SCO1: variants seen among roughly 807,000 people sequenced by gnomAD.
SCO1 encodes the protein synthesis of cytochrome C oxidase 1, also known as cytochrome c oxidase assembly factor SCO1.
Under a neutral mutation model 34.0 loss-of-function variants are expected in SCO1, and 23 were observed. The ratio of observed to expected loss-of-function variants is 0.68; its 90% confidence interval spans 0.49 to 0.96. SCO1 has a LOEUF of 0.96. SCO1 is among the 40% of genes least tolerant of loss of function. SCO1 has a pLI of 0.00. For missense variants in SCO1, 404 were observed against 381.6 expected, an observed-to-expected ratio of 1.06 and a Z score of -0.49; for synonymous variants, 161 against 145.5, an observed-to-expected ratio of 1.11 and a Z score of -0.77.
At chr17:10,690,436 A>C (rs1358352353) in intron 4 of SCO1, among the ~76,000 whole-genome samples, 1 of 152,218 alleles carries the variant, frequency 6.6e-6, no homozygotes, top group African/African-American at 2.4e-5. Context: ...TATATGAAAA[A>C]ATGCTCAACA....
intron 4 of SCO1, among the ~76,000 whole-genome samples, chr17:10,691,616 G>T (rs1026260099): frequency 2.6e-5 from 4 of 152,200 alleles, no homozygotes; most frequent in Admixed American, 1.3e-4. Flanking sequence ...GATTAACTTA[G>T]TTGATACATG....
intron 1 of SCO1, among the ~76,000 whole-genome samples, chr17:10,696,342 G>A (rs1469879379): frequency 1.3e-5 from 2 of 152,126 alleles, no homozygotes; most frequent in Non-Finnish European, 2.9e-5. Context: ...CTACACGGGA[G>A]GCTGAGGCAG....
chr17:10,689,652 G>A (rs971291575), intron 4 of SCO1, among the ~76,000 whole-genome samples: 3 of 152,156 alleles, frequency 2.0e-5, no homozygotes, highest in African/African-American at 7.2e-5. Context: ...GCATACAGAG[G>A]TGTTTGATTG....
intron 4 of SCO1, among the ~76,000 whole-genome samples, chr17:10,688,724 T>C (rs891949677): frequency 1.1e-4 from 16 of 152,280 alleles, no homozygotes; most frequent in African/African-American, 3.1e-4. Context: ...AGCCAATAAA[T>C]GCAAAAAACT....
At chr17:10,695,900 T>TAA in intron 1 of SCO1, 69 bp from the exon 2 acceptor site, 1 of 1,196,136 alleles carries the variant, frequency 8.4e-7, no homozygotes, top group Non-Finnish European at 1.2e-6. Context: ...ACAAACTTAT[T>TAA]AAAGTAGTTT....
Position 10,697,244 on chromosome 17 carries a change from C to A in SCO1, c.264G>T (p.Ser88=). ...QKGPGDSTRP[S]KPGPVSWKSL... is the part of the protein sequence containing the mutation. ...CCAGGTGTGCACTCACCCCGGGCTTCGAGGGGCGCGTGGAGTCTCCGGGGC... is the reference window on the plus strand; with the variant it reads ...CCAGGTGTGCACTCACCCCGGGCTTAGAGGGGCGCGTGGAGTCTCCGGGGC... Residue 88 remains serine, a synonymous_variant, in exon 1 of 6, where the codon TCG becomes TCT. Transcript: ENST00000255390. 1 of 1,557,224 alleles carries A rather than the reference C, an allele frequency of 6.4e-7. No individual in the cohort carries two copies. Among genetic ancestry groups the A allele is most frequent in the Non-Finnish European group, 8.7e-7 (1 of 1,150,944 alleles).
Position 10,692,718 on chromosome 17 carries a change from C to T in SCO1, c.562+46G>A, listed in dbSNP as rs906393614. On this transcript the variant is annotated intron_variant, in intron 3 of 5. Coordinates refer to ENST00000255390, the MANE Select transcript of SCO1 (RefSeq NM_004589.4). ...TACAAGGGTGTGAAAAACCTGGTAA[C>T]ATGAAGTAAACATATACTTTGTTTA... 5 of 1,508,080 alleles carry T rather than the reference C, an allele frequency of 3.3e-6. No individual in the cohort carries two copies. The African/African-American group carries it at 6.9e-5, about 21-fold the overall frequency. The allele number at this position is 1,508,080 out of a possible 1,614,324, so 93.4% of individuals were successfully genotyped here. A position where few individuals can be genotyped will look rare whatever the true frequency, so the allele number is the denominator to read the frequency against.
At chr17:10,693,473 A>T (rs1248719946) in intron 2 of SCO1, among the ~76,000 whole-genome samples, 2 of 152,226 alleles carry the variant, frequency 1.3e-5, no homozygotes, top group Non-Finnish European at 2.9e-5. Context: ...TATGGAGAGA[A>T]AGAGAGCTAG....
chr17:10,686,433 G>C (rs1398325964), intron 5 of SCO1, among the ~76,000 whole-genome samples: 2 of 150,110 alleles, frequency 1.3e-5, no homozygotes, highest in Non-Finnish European at 3.0e-5. Context: ...ATATAAAAAA[G>C]TAGCCAGGTG....
In SCO1 at chr17:10,683,009, G is replaced by A. The variant is rs188951446; in HGVS notation, c.772-1756C>T. On this transcript the variant is annotated intron_variant, in intron 5 of 5. Coordinates refer to ENST00000255390, the MANE Select transcript of SCO1 (RefSeq NM_004589.4). The stretch of plus-strand genomic sequence containing the variant: ...AGAGCAGCAACTCAGTTTTTCTAGT[G>A]TGCAAGTTACGTTTTAGTGTGAATT... 5.3e-5 allele frequency among the ~76,000 whole-genome samples: 8 copies of A among 152,332 alleles called. No homozygotes were observed. The East Asian group carries it at 1.5e-3, about 29-fold the overall frequency.
chr17:10,684,311 A>G (rs1436111279), intron 5 of SCO1, among the ~76,000 whole-genome samples: 1 of 152,202 alleles, frequency 6.6e-6, no homozygotes, highest in African/African-American at 2.4e-5. Context: ...ACTGGCACCT[A>G]GCTGCCCACT....
intron 5 of SCO1, among the ~76,000 whole-genome samples, chr17:10,684,270 G>C (rs2074640268): frequency 6.6e-6 from 1 of 152,154 alleles, no homozygotes; most frequent in African/African-American, 2.4e-5. Context: ...ATAAATTTCA[G>C]TGCCCAGGCT....
At chr17:10,686,210 C>A (rs887826182) in intron 5 of SCO1, among the ~76,000 whole-genome samples, 1 of 151,982 alleles carries the variant, frequency 6.6e-6, no homozygotes, top group African/African-American at 2.4e-5. Context: ...CCACTGCACT[C>A]CAGCCTGGCT....
chr17:10,680,867 C>T lies in SCO1; in HGVS notation c.*252G>A, dbSNP rs921019025. The stretch of plus-strand genomic sequence containing the variant: ...CTTCCACAGGTGGGCTCTTCACTGG[C>T]TTCACTTCAGCTTGATCCTCTGGTC... On this transcript the variant is annotated 3_prime_UTR_variant, in exon 6 of 6. Coordinates refer to ENST00000255390, the MANE Select transcript of SCO1 (RefSeq NM_004589.4). 7 of 532,630 alleles carry T rather than the reference C, an allele frequency of 1.3e-5. No homozygotes were observed. The highest frequency in any genetic ancestry group is 3.1e-5 in the Admixed American group (1 of 32,102). 33.0% of individuals were successfully genotyped at this position (532,630 alleles called of 1,614,324 possible).
Position 10,697,499 on chromosome 17 carries a change from C to G in SCO1, c.9G>C (p.Met3Ile), listed in dbSNP as rs377725430. Residue 3 changes from methionine to isoleucine, a missense_variant, in exon 1 of 6, where the codon ATG (methionine) becomes ATC (isoleucine). Met to Ile is a conservative substitution (Grantham distance 10). Coordinates refer to ENST00000255390, the MANE Select transcript of SCO1 (RefSeq NM_004589.4). ...TAACTCGTCCGGGTACTAGGACCAGCATCGCCATGAGCCTCGGAGACCGGG... is the reference window on the plus strand; with the variant it reads ...TAACTCGTCCGGGTACTAGGACCAGGATCGCCATGAGCCTCGGAGACCGGG... The part of the protein sequence containing the change: MA[M>I]LVLVPGRVMR... 1.2e-6 allele frequency: 2 copies of G among 1,613,424 alleles called. No homozygotes were observed. The highest frequency in any genetic ancestry group is 1.3e-5 in the African/African-American group (1 of 75,058).
rs2662959 is a variant in SCO1, at chr17:10,680,272, T to C, written c.*847A>G. The C allele has an allele frequency of 0.51, 77,168 of 152,038 alleles. 20,405 individuals are homozygous for C. The highest frequency in any genetic ancestry group is 0.66 in the African/African-American group (27,169 of 41,422). The allele number at this position is 152,038 out of a possible 1,614,324, so 9.4% of individuals were successfully genotyped here. A position where few individuals can be genotyped will look rare whatever the true frequency, so the allele number is the denominator to read the frequency against. ...GCCCGCTGGAGCCTGTGGGTCTCTT[T>C]CCTGAGAACTGTGTGCAGCCATCTA... On this transcript the variant is annotated 3_prime_UTR_variant, in exon 6 of 6. Transcript: ENST00000255390.
chr17:10,686,561 G>C (rs1396414122), intron 5 of SCO1, among the ~76,000 whole-genome samples, 166 bp downstream of exon 5: 2 of 141,506 alleles, frequency 1.4e-5, no homozygotes, highest in South Asian at 4.5e-4. Context: ...CAGCCTGGAT[G>C]ACAGAATGAG....
intron 1 of SCO1, 35 bp downstream of exon 1, chr17:10,697,200 G>C: frequency 6.7e-7 from 1 of 1,484,392 alleles, no homozygotes; most frequent in African/African-American, 1.4e-5. Context: ...CGACAGCCGC[G>C]ACGAGCACCA....
intron 5 of SCO1, among the ~76,000 whole-genome samples, chr17:10,686,317 G>A (rs536903322): frequency 1.8e-4 from 27 of 151,322 alleles, no homozygotes; most frequent in Admixed American, 3.3e-4. Flanking sequence ...GGCTGGATGC[G>A]GTGGCTCACG....
Sources: allele counts gnomAD v4.1 joint callset (sites outside exome capture counted in the v4.1 genomes callset), GRCh38; gene constraint gnomAD v4.1.1; transcripts MANE v1.5; gene names NCBI Gene and HGNC (gene_info 2026-07-23, HGNC 2026-07-21).